RNF121: variants seen among roughly 807,000 people sequenced by gnomAD.
RNF121 encodes ring finger protein 121.
RNF121 carries 21 observed loss-of-function variants against 46.5 expected under a neutral mutation model. That is an observed-to-expected ratio of 0.45 (90% confidence interval 0.32 to 0.65). The LOEUF is 0.65. Among genes scored for constraint, RNF121 ranks in the 30% least tolerant of loss-of-function variants. The pLI is 0.04. For missense variants in RNF121, 346 were observed against 416.0 expected (o/e 0.83, Z 1.46); for synonymous variants, 139 against 144.7 (o/e 0.96, Z 0.28).
chr11:71,990,534 G>GTAGTAATCCA, intron 5 of RNF121, 63 bp from the exon 6 acceptor site: 1 of 1,588,580 alleles, frequency 6.3e-7, no homozygotes. Context: ...GTGTCCCAGA[G>GTAGTAATCCA]TAGTAATCCA....
intron 1 of RNF121, among the ~76,000 whole-genome samples, chr11:71,956,875 G>A (rs77988220): frequency 2.4e-3 from 373 of 152,312 alleles, no homozygotes; most frequent in Middle Eastern, 0.01. Flanking sequence ...AAAAGGCAAG[G>A]CACCTCTTTG....
intron 1 of RNF121, among the ~76,000 whole-genome samples, chr11:71,943,831 A>T (rs955401699): frequency 6.6e-6 from 1 of 152,200 alleles, no homozygotes; most frequent in Non-Finnish European, 1.5e-5. Flanking sequence ...AGCATGTGCA[A>T]GGTGGGAGGT....
At chr11:71,966,027 C>T (rs889254893) in intron 3 of RNF121, among the ~76,000 whole-genome samples, 22 of 152,230 alleles carry the variant, frequency 1.4e-4, no homozygotes, top group African/African-American at 5.1e-4. Context: ...ATATTTGATA[C>T]ATTTTTTTTG....
At chr11:71,969,667 A>G (rs1954376448) in intron 3 of RNF121, among the ~76,000 whole-genome samples, 2 of 152,160 alleles carry the variant, frequency 1.3e-5, no homozygotes, top group South Asian at 4.2e-4. Context: ...GGCTCTGTTG[A>G]TCCTCCCACC....
At chr11:71,970,310 A>G (rs898448907) in intron 3 of RNF121, among the ~76,000 whole-genome samples, 1 of 152,200 alleles carries the variant, frequency 6.6e-6, no homozygotes, top group Non-Finnish European at 1.5e-5. Flanking sequence ...ACATAACAGT[A>G]TTGAACTGTA....
intron 3 of RNF121, among the ~76,000 whole-genome samples, chr11:71,965,254 A>ATT (rs10707525): frequency 4.2e-5 from 6 of 141,488 alleles, no homozygotes; most frequent in African/African-American, 5.3e-5. Context: ...CTGCATAGTA[A>ATT]TTTTTTTTTT....
At chr11:71,942,362 AT>A (rs1953593915) in intron 1 of RNF121, among the ~76,000 whole-genome samples, 1 of 152,184 alleles carries the variant, frequency 6.6e-6, no homozygotes, top group Admixed American at 6.6e-5. Flanking sequence ...TTAGGAAGTT[AT>A]GGTAATAGTC....
chr11:71,973,794 CA>C (rs980497544), intron 3 of RNF121, among the ~76,000 whole-genome samples: 36 of 150,998 alleles, frequency 2.4e-4, no homozygotes, highest in African/African-American at 8.0e-4. Flanking sequence ...TCTCAAAAAA[CA>C]AAAAAACAAA....
intron 1 of RNF121, among the ~76,000 whole-genome samples, chr11:71,954,622 A>G (rs1293580602): frequency 1.5e-4 from 23 of 152,208 alleles, no homozygotes; most frequent in Non-Finnish European, 2.8e-4. Flanking sequence ...TATTTTCTAG[A>G]TGGAGAAACT....
intron 1 of RNF121, among the ~76,000 whole-genome samples, chr11:71,942,941 TCTTCA>T (rs1424853808): frequency 6.6e-6 from 1 of 152,108 alleles, no homozygotes; most frequent in Non-Finnish European, 1.5e-5. Context: ...TGTTGCTGTG[TCTTCA>T]CATGGCAGAA....
intron 1 of RNF121, 152 bp from the exon 2 acceptor site, chr11:71,957,075 G>A: frequency 2.8e-6 from 2 of 709,992 alleles, no homozygotes. Flanking sequence ...AGAGATCAGT[G>A]TGAAATAGAA....
At chr11:71,961,990 C>CA (rs1163310702) in intron 3 of RNF121, among the ~76,000 whole-genome samples, 105 of 120,128 alleles carry the variant, frequency 8.7e-4, no homozygotes, top group South Asian at 7.1e-3. Context: ...TTTTTTGAGA[C>CA]AGAGTCTCGC....
Position 71,929,074 on chromosome 11 carries a change from G to A in RNF121, c.13G>A (p.Val5Met). Reference sequence around the variant, plus strand: ...GCGAGCCGTGAAGATGGCGGCAGTGGTGGAGGTGGAGGTTGGAGGTGGTGC... The same window carrying A: ...GCGAGCCGTGAAGATGGCGGCAGTGATGGAGGTGGAGGTTGGAGGTGGTGC... MAAV[V>M]EVEVGGGAAG... is the part of the protein sequence containing the mutation. Residue 5 changes from valine to methionine, a missense_variant, in exon 1 of 9, where the codon GTG becomes ATG. Physicochemically the swap from Val to Met is conservative, Grantham distance 21 (BLOSUM62 1). This residue lies in a region of RNF121 where 60 missense variants were observed against 32.2 expected (regional missense o/e 1.86). Coordinates refer to ENST00000361756, the MANE Select transcript of RNF121 (RefSeq NM_018320.5). The A allele has an allele frequency of 1.0e-5, 16 of 1,551,590 alleles. No homozygotes were observed. Among genetic ancestry groups the A allele is most frequent in the Non-Finnish European group, 1.4e-5 (16 of 1,147,032 alleles).
At chr11:71,966,725 G>T (rs1477212615) in intron 3 of RNF121, among the ~76,000 whole-genome samples, 1 of 151,978 alleles carries the variant, frequency 6.6e-6, no homozygotes, top group African/African-American at 2.4e-5. Context: ...CTGGCCTTAA[G>T]TGATCCTCTT....
intron 5 of RNF121, among the ~76,000 whole-genome samples, chr11:71,989,288 C>T (rs1331527835): frequency 6.6e-6 from 1 of 152,114 alleles, no homozygotes; most frequent in African/African-American, 2.4e-5. Flanking sequence ...ACCATGCTGG[C>T]GAGGCTGGTT....
chr11:71,936,061 A>C (rs1269190262), intron 1 of RNF121, among the ~76,000 whole-genome samples: 1 of 151,454 alleles, frequency 6.6e-6, no homozygotes, highest in Admixed American at 6.6e-5. Flanking sequence ...GTTAGCCAGG[A>C]CGGTCTCCAT....
intron 1 of RNF121, among the ~76,000 whole-genome samples, chr11:71,951,869 G>T (rs1953889664): frequency 6.6e-6 from 1 of 152,156 alleles, no homozygotes; most frequent in South Asian, 2.1e-4. Context: ...CACACTGCTG[G>T]TGGGACTGTA....
chr11:71,972,489 G>C (rs773733561), intron 3 of RNF121, among the ~76,000 whole-genome samples: 1 of 152,092 alleles, frequency 6.6e-6, no homozygotes, highest in Non-Finnish European at 1.5e-5. Flanking sequence ...CAGCCTTTTA[G>C]TGGGCATCCA....
At chr11:71,972,382 T>A (rs1283855076) in intron 3 of RNF121, among the ~76,000 whole-genome samples, 2 of 152,188 alleles carry the variant, frequency 1.3e-5, no homozygotes, top group Middle Eastern at 3.2e-3. Flanking sequence ...AAATGCCTCT[T>A]ATGGCATTCC....
Sources: allele counts gnomAD v4.1 joint callset (sites outside exome capture counted in the v4.1 genomes callset), GRCh38; gene constraint gnomAD v4.1.1; regional missense constraint gnomAD v4.1.1; transcripts MANE v1.5; gene names NCBI Gene and HGNC (gene_info 2026-07-23, HGNC 2026-07-21).